HDAC4: variants seen among roughly 807,000 people sequenced by gnomAD.
HDAC4 encodes the protein histone deacetylase 4, also known as histone deacetylase A.
HDAC4 carries 16 observed loss-of-function variants against 135.1 expected under a neutral mutation model. The observed-to-expected ratio is 0.12, with a 90% CI of 0.08 to 0.18. The LOEUF is 0.18. Ranked by LOEUF, HDAC4 falls within the 10% of genes least tolerant of loss-of-function variation. The probability of loss-of-function intolerance (pLI) is 1.00; values close to 1 mark genes in which losing one functional copy is unlikely to be tolerated. For missense variants in HDAC4, 1,143 were observed against 1,511.8 expected, an observed-to-expected ratio of 0.76 and a Z score of 4.05; for synonymous variants, 685 against 653.4, an observed-to-expected ratio of 1.05 and a Z score of -0.74.
intron 2 of HDAC4, among the ~76,000 whole-genome samples, chr2:239,273,077 G>A (rs759546901): frequency 2.0e-5 from 3 of 152,086 alleles, no homozygotes; most frequent in South Asian, 2.1e-4. Context: ...ATGCTCAAAC[G>A]GACTTTACAC....
chr2:239,049,660 C>A lies in HDAC4; in HGVS notation c.*3437G>T, dbSNP rs566355618. ...AACTTGCTTTTGTGTCAGACCATTA[C>A]GAAATGGTCCTTCCCCTTGCAAACA... On this transcript the variant is annotated 3_prime_UTR_variant, in exon 27 of 27. Coordinates refer to ENST00000543185, the MANE Select transcript of HDAC4 (RefSeq NM_001378414.1). The A allele has an allele frequency of 6.6e-6, 1 of 152,540 alleles. No homozygotes were observed. The highest frequency in any genetic ancestry group is 1.9e-4 in the East Asian group (1 of 5,180). The allele number at this position is 152,540 out of a possible 1,614,324, so 9.4% of individuals were successfully genotyped here.
chr2:239,288,715 CAAAGAAT>C (rs899579656), intron 2 of HDAC4, among the ~76,000 whole-genome samples: 1 of 151,002 alleles, frequency 6.6e-6, no homozygotes, highest in Non-Finnish European at 1.5e-5. Flanking sequence ...TACAATCTAC[CAAAGAAT>C]AAAGAATAAA....
chr2:239,086,343 G>T (rs182476726), intron 19 of HDAC4, among the ~76,000 whole-genome samples: 3 of 141,300 alleles, frequency 2.1e-5, no homozygotes, highest in African/African-American at 7.8e-5. Flanking sequence ...TATCTCGCAC[G>T]TACAGTCTCC....
rs189966729 is a variant in HDAC4 at position 239,084,375 on chromosome 2, T to C, written c.2445-133A>G. ...TGTGAGTGCAGAGCTCCTGAATACG[T>C]CGCAGGGAACCCTCAGTGATGCCGG... On this transcript the variant is annotated intron_variant, in intron 19 of 26. Transcript: ENST00000543185. The C allele has an allele frequency of 9.3e-4, 652 of 697,948 alleles. 4 individuals carry two copies. The African/African-American group carries it at 0.011, about 11-fold the overall frequency. 43.2% of individuals were successfully genotyped at this position (697,948 alleles called of 1,614,324 possible).
intron 5 of HDAC4, among the ~76,000 whole-genome samples, chr2:239,166,387 T>C (rs2043124411): frequency 6.6e-6 from 1 of 152,172 alleles, no homozygotes; most frequent in Non-Finnish European, 1.5e-5. Context: ...ATCATGTCAT[T>C]GCCCGAGTCA....
chr2:239,107,185 T>C (rs551586462), intron 15 of HDAC4, among the ~76,000 whole-genome samples: 7 of 152,288 alleles, frequency 4.6e-5, no homozygotes, highest in African/African-American at 1.7e-4. Flanking sequence ...GCCTCCAGGG[T>C]GAAGAGCACC....
chr2:239,232,593 G>T (rs1371234343), intron 3 of HDAC4, among the ~76,000 whole-genome samples: 1 of 140,480 alleles, frequency 7.1e-6, no homozygotes, highest in African/African-American at 2.7e-5. Flanking sequence ...CAAGCCAAGG[G>T]TGGCCCTTCC....
chr2:239,189,022 T>C (rs1169083619), intron 4 of HDAC4, among the ~76,000 whole-genome samples: 4 of 152,256 alleles, frequency 2.6e-5, no homozygotes, highest in Non-Finnish European at 5.9e-5. Context: ...CAATACAAAC[T>C]TGCTATTTTA....
At chr2:239,302,449 A>G (rs2052322281) in intron 2 of HDAC4, among the ~76,000 whole-genome samples, 1 of 152,248 alleles carries the variant, frequency 6.6e-6, no homozygotes, top group Non-Finnish European at 1.5e-5. Flanking sequence ...CAGATTAGCA[A>G]AACCCCTTGC....
At chr2:239,143,774 A>G (rs1042799694) in intron 8 of HDAC4, among the ~76,000 whole-genome samples, 1 of 152,234 alleles carries the variant, frequency 6.6e-6, no homozygotes, top group Non-Finnish European at 1.5e-5. Flanking sequence ...CTAGGTCAAC[A>G]GCCTGCTCAG....
chr2:239,070,927 G>GTTTTT (rs10572423), intron 22 of HDAC4, among the ~76,000 whole-genome samples: 1 of 144,000 alleles, frequency 6.9e-6, no homozygotes, highest in East Asian at 2.0e-4. Flanking sequence ...AGTCTCTGTT[G>GTTTTT]TTTTTTTTTT....
At chr2:239,203,640 G>A (rs986789710) in intron 3 of HDAC4, among the ~76,000 whole-genome samples, 3 of 152,120 alleles carry the variant, frequency 2.0e-5, no homozygotes, top group Admixed American at 6.5e-5. Context: ...GGTGACTGCC[G>A]TGGTGACTGC....
intron 2 of HDAC4, among the ~76,000 whole-genome samples, chr2:239,339,552 G>A (rs58577076): frequency 0.34 from 51,315 of 152,104 alleles, 9,606 homozygotes; most frequent in Non-Finnish European, 0.43. Context: ...GCAACTCAAC[G>A]GAGACCTACG....
At chr2:239,288,121 C>T (rs1183257042) in intron 2 of HDAC4, among the ~76,000 whole-genome samples, 1 of 149,056 alleles carries the variant, frequency 6.7e-6, no homozygotes, top group East Asian at 1.9e-4. Context: ...AATTCAAGAA[C>T]AGAGATGAAG....
At chr2:239,237,948 G>T (rs1289935125) in intron 2 of HDAC4, among the ~76,000 whole-genome samples, 1 of 152,202 alleles carries the variant, frequency 6.6e-6, no homozygotes, top group Non-Finnish European at 1.5e-5. Flanking sequence ...ATATTCGGAG[G>T]CAAAACAGTT....
chr2:239,178,428 T>C (rs2043913671), intron 4 of HDAC4, among the ~76,000 whole-genome samples: 1 of 151,912 alleles, frequency 6.6e-6, no homozygotes, highest in African/African-American at 2.4e-5. Flanking sequence ...AAAACAAAAT[T>C]GTAGAGAAGG....
At chr2:239,125,933 GCCCTGTACGCTGCTTA>G (rs2040154270) in intron 12 of HDAC4, among the ~76,000 whole-genome samples, 1 of 152,248 alleles carries the variant, frequency 6.6e-6, no homozygotes, top group Non-Finnish European at 1.5e-5. Flanking sequence ...GGGCCCCCCG[GCCCTGTACGCTGCTTA>G]CCCTGTACGC....
chr2:239,226,473 A>G (rs1312625806), intron 3 of HDAC4, among the ~76,000 whole-genome samples: 1 of 152,178 alleles, frequency 6.6e-6, no homozygotes, highest in Admixed American at 6.5e-5. Context: ...CACCCCATCC[A>G]GATTTGCTGT....
intron 13 of HDAC4, among the ~76,000 whole-genome samples, chr2:239,112,170 C>T (rs899495540): frequency 1.2e-4 from 18 of 152,076 alleles, no homozygotes; most frequent in Admixed American, 9.2e-4. Flanking sequence ...GCCTGGCCCT[C>T]GCTGGTTTCA....
Sources: allele counts gnomAD v4.1 joint callset (sites outside exome capture counted in the v4.1 genomes callset), GRCh38; gene constraint gnomAD v4.1.1; transcripts MANE v1.5; gene names NCBI Gene and HGNC (gene_info 2026-07-23, HGNC 2026-07-21).